Variants in LINGO2 observed in about 807,000 individuals in gnomAD.
LINGO2 encodes leucine-rich repeat and immunoglobulin-like domain-containing nogo receptor-interacting protein 2.
LINGO2 carries 14 observed loss-of-function variants against 30.6 expected under a neutral mutation model. The ratio of observed to expected loss-of-function variants is 0.46; its 90% CI spans 0.30 to 0.72. The LOEUF is 0.72. LINGO2 is among the 30% of genes least tolerant of loss of function. The probability of loss-of-function intolerance (pLI) is 0.07; values close to 1 mark genes in which losing one functional copy is unlikely to be tolerated. For synonymous variants in LINGO2, 317 were observed against 288.5 expected (o/e 1.10, Z -1.00); for missense variants, 729 against 751.7 (o/e 0.97, Z 0.35).
chr9:28,934,473 T>C, the LINGO2 span, among the ~76,000 whole-genome samples: 1 of 152,352 alleles, frequency 6.6e-6, no homozygotes, highest in African/African-American at 2.4e-5. Flanking sequence ...CAAGGGCTTA[T>C]GTCTTTTCCA....
chr9:27,983,854 C>T (rs916219954), intron 5 of LINGO2, among the ~76,000 whole-genome samples: 17 of 151,930 alleles, frequency 1.1e-4, no homozygotes, highest in African/African-American at 3.9e-4. Context: ...TGAGTTATCC[C>T]AGAGTTTTTT....
intron 3 of LINGO2, among the ~76,000 whole-genome samples, chr9:28,314,520 A>G (rs1824761975): frequency 6.6e-6 from 1 of 152,184 alleles, no homozygotes; most frequent in Non-Finnish European, 1.5e-5. Context: ...AGTTTATTTT[A>G]CAGATAAAGA....
chr9:28,502,746 T>G (rs1225568995), intron 1 of LINGO2, among the ~76,000 whole-genome samples: 1 of 152,128 alleles, frequency 6.6e-6, no homozygotes, highest in Admixed American at 6.6e-5. Flanking sequence ...ATTTCTTCAT[T>G]TTATACAGTG....
At chr9:28,556,184 T>C (rs1822674603) in intron 1 of LINGO2, among the ~76,000 whole-genome samples, 1 of 151,874 alleles carries the variant, frequency 6.6e-6, no homozygotes, top group Non-Finnish European at 1.5e-5. Flanking sequence ...GGTATTCAAT[T>C]AGGAAAAGAG....
At chr9:28,652,908 AT>A (rs1257495378) in intron 1 of LINGO2, among the ~76,000 whole-genome samples, 6 of 152,030 alleles carry the variant, frequency 3.9e-5, no homozygotes, top group African/African-American at 1.2e-4. Flanking sequence ...AGCCTGGCCC[AT>A]CAGGGTTGGG....
intron 1 of LINGO2, among the ~76,000 whole-genome samples, chr9:28,542,412 G>A (rs1821740965): frequency 1.3e-5 from 2 of 151,976 alleles, no homozygotes; most frequent in African/African-American, 4.8e-5. Context: ...CCTCTGAGAG[G>A]CTCTTGTGCC....
At chr9:28,184,912 G>A (rs535240444) in intron 4 of LINGO2, among the ~76,000 whole-genome samples, 9 of 152,038 alleles carry the variant, frequency 5.9e-5, no homozygotes, top group Admixed American at 3.3e-4. Flanking sequence ...CTAATGATAC[G>A]GTGGCTGTTG....
intron 5 of LINGO2, among the ~76,000 whole-genome samples, chr9:28,008,683 T>C (rs757437323): frequency 5.9e-5 from 9 of 152,126 alleles, no homozygotes; most frequent in Non-Finnish European, 1.2e-4. Context: ...GAATTTCCAA[T>C]AGCATCAAGA....
At chr9:28,681,377 T>C in the LINGO2 span, among the ~76,000 whole-genome samples, 2 of 152,182 alleles carry the variant, frequency 1.3e-5, no homozygotes, top group South Asian at 2.1e-4. Context: ...GGGGCAATGA[T>C]AGCAAAAATC....
the LINGO2 span, among the ~76,000 whole-genome samples, chr9:28,924,666 G>A: frequency 1.3e-5 from 2 of 152,164 alleles, no homozygotes; most frequent in Non-Finnish European, 2.9e-5. Flanking sequence ...ATCAACACAT[G>A]TTATACTACT....
chr9:29,077,820 TA>T, the LINGO2 span, among the ~76,000 whole-genome samples: 38 of 150,440 alleles, frequency 2.5e-4, no homozygotes, highest in African/African-American at 5.1e-4. Context: ...CAGAATTATT[TA>T]AAAAAAAATA....
At chr9:29,180,605 C>A in the LINGO2 span, among the ~76,000 whole-genome samples, 4 of 152,190 alleles carry the variant, frequency 2.6e-5, no homozygotes, top group Non-Finnish European at 5.9e-5. Flanking sequence ...AGGTTTCTCC[C>A]CCTATATGTG....
chr9:28,492,676 A>C (rs7040062), intron 1 of LINGO2, among the ~76,000 whole-genome samples: 97,792 of 151,892 alleles, frequency 0.64, 31,612 homozygotes, highest in South Asian at 0.73. Flanking sequence ...GTTTCAGCTA[A>C]AGAGATCCCT....
chr9:28,367,165 T>G (rs972945748), intron 3 of LINGO2, among the ~76,000 whole-genome samples: 2 of 152,228 alleles, frequency 1.3e-5, no homozygotes, highest in African/African-American at 4.8e-5. Flanking sequence ...TATGATGTTC[T>G]ATACATTTAT....
the LINGO2 span, among the ~76,000 whole-genome samples, chr9:29,075,608 T>C: frequency 2.0e-5 from 3 of 152,160 alleles, no homozygotes; most frequent in Non-Finnish European, 4.4e-5. Flanking sequence ...TAAATACTCA[T>C]CTCATTGGCA....
chr9:28,990,779 A>T, the LINGO2 span, among the ~76,000 whole-genome samples: 2 of 152,154 alleles, frequency 1.3e-5, no homozygotes, highest in African/African-American at 4.8e-5. Context: ...ACTCCAACAG[A>T]CCTGCAGCTG....
the LINGO2 span, among the ~76,000 whole-genome samples, chr9:29,001,174 A>T: frequency 2.6e-5 from 4 of 151,924 alleles, no homozygotes; most frequent in Non-Finnish European, 5.9e-5. Flanking sequence ...TAGTCAAAAA[A>T]TTTTGAAAGC....
At chr9:28,554,910 G>A (rs1379550931) in intron 1 of LINGO2, among the ~76,000 whole-genome samples, 1 of 133,462 alleles carries the variant, frequency 7.5e-6, no homozygotes, top group African/African-American at 3.2e-5. Context: ...GGTACATAAC[G>A]AAATGAAGGC....
chr9:28,205,881 A>T (rs997795160), intron 4 of LINGO2, among the ~76,000 whole-genome samples: 1 of 152,140 alleles, frequency 6.6e-6, no homozygotes, highest in African/African-American at 2.4e-5. Context: ...AATCTACTCT[A>T]GAAAGCAGAA....
Sources: allele counts gnomAD v4.1 joint callset (sites outside exome capture counted in the v4.1 genomes callset), GRCh38; gene constraint gnomAD v4.1.1; transcripts MANE v1.5; gene names NCBI Gene and HGNC (gene_info 2026-07-23, HGNC 2026-07-21).